The following KNDC1 variants were observed in gnomAD, a reference collection of about 807,000 sequenced individuals.
KNDC1 encodes kinase non-catalytic C-lobe domain containing 1.
In KNDC1, 106 loss-of-function variants were observed where a neutral mutation model predicts 172.8. That is an observed-to-expected ratio of 0.61 (90% CI 0.52 to 0.72). The LOEUF (loss-of-function observed/expected upper bound fraction) is 0.72. KNDC1 is among the 30% of genes least tolerant of loss of function. The pLI is 0.00. For missense variants in KNDC1, 2,325 were observed against 2,394.5 expected (o/e 0.97, Z 0.61); for synonymous variants, 1,083 against 1,062.2 (o/e 1.02, Z -0.38).
chr10:133,183,230 CAG>C, intron 3 of KNDC1, 112 bp from the exon 4 acceptor site: 12 of 1,272,972 alleles, frequency 9.4e-6, no homozygotes, highest in East Asian at 2.6e-5. Context: ...TGCTTCCCCT[CAG>C]GGGAATCTCA....
At chr10:133,211,988 C>T in intron 23 of KNDC1, 130 bp downstream of exon 23, 4 of 833,808 alleles carry the variant, frequency 4.8e-6, no homozygotes, top group Middle Eastern at 2.8e-4. Flanking sequence ...TGTATACATG[C>T]ATACACATAG....
chr10:133,183,600 C>G (rs1485178053), intron 4 of KNDC1, 110 bp downstream of exon 4: 1 of 1,241,110 alleles, frequency 8.1e-7, no homozygotes, highest in African/African-American at 1.5e-5. Context: ...GTTCCGCAAC[C>G]ACAGTCTCAT....
chr10:133,218,993 G>C, intron 27 of KNDC1, 38 bp from the exon 28 acceptor site: 1 of 1,613,724 alleles, frequency 6.2e-7, no homozygotes, highest in Non-Finnish European at 8.5e-7. Context: ...GTGGGTACCC[G>C]CACGGCCGCA....
chr10:133,195,266 C>T (rs1017913758), intron 9 of KNDC1, among the ~76,000 whole-genome samples: 7 of 152,132 alleles, frequency 4.6e-5, no homozygotes, highest in African/African-American at 1.4e-4. Context: ...AGCACGGCAC[C>T]AGTCGGGGGG....
At chr10:133,165,985 A>G (rs1298143050) in intron 1 of KNDC1, among the ~76,000 whole-genome samples, 1 of 152,198 alleles carries the variant, frequency 6.6e-6, no homozygotes, top group Non-Finnish European at 1.5e-5. Flanking sequence ...CCACGAACAG[A>G]CGCAGAGCCA....
intron 5 of KNDC1, among the ~76,000 whole-genome samples, chr10:133,185,089 TG>T (rs1853851097): frequency 6.6e-6 from 1 of 152,282 alleles, no homozygotes; most frequent in Non-Finnish European, 1.5e-5. Context: ...AGTCTCATGG[TG>T]GCCGGCAGGG....
intron 3 of KNDC1, among the ~76,000 whole-genome samples, chr10:133,171,559 A>G (rs1334417280): frequency 2.6e-5 from 4 of 151,928 alleles, no homozygotes; most frequent in Non-Finnish European, 4.4e-5. Flanking sequence ...GGCATGAGCC[A>G]CTGGCCCCGG....
chr10:133,192,069 C>G (rs1320721484), intron 9 of KNDC1, among the ~76,000 whole-genome samples: 1 of 152,244 alleles, frequency 6.6e-6, no homozygotes, highest in Non-Finnish European at 1.5e-5. Context: ...GGTAAAACAG[C>G]TACACTGCCC....
intron 17 of KNDC1, among the ~76,000 whole-genome samples, chr10:133,204,828 C>T (rs1489419906): frequency 1.3e-5 from 2 of 152,090 alleles, no homozygotes; most frequent in African/African-American, 4.8e-5. Flanking sequence ...GCGGTCGCTT[C>T]GGGCCCTGGG....
chr10:133,202,714 A>G (rs546596353), intron 17 of KNDC1: 11 of 455,806 alleles, frequency 2.4e-5, no homozygotes, highest in Middle Eastern at 3.3e-4. Context: ...GACTCAGTCC[A>G]GAACATGACC....
chr10:133,207,228 G>A lies in KNDC1; in HGVS notation c.3671G>A (p.Ser1224Asn), dbSNP rs747242937. Reference sequence around the variant, plus strand: ...GCACCCTGCGACACGCTGGACTTCAGCCCCCTGGACGAGTCCTCCTCGCTC... The same window carrying A: ...GCACCCTGCGACACGCTGGACTTCAACCCCCTGGACGAGTCCTCCTCGCTC... ...AAAPCDTLDFSPLDESSSLIF... is the reference protein window; with the variant it reads ...AAAPCDTLDFNPLDESSSLIF... The change falls in exon 20 of 30, where the codon AGC (serine) becomes AAC (asparagine). Residue 1224 changes from serine (S) to asparagine (N), a missense_variant. By Grantham distance (46) the Ser-to-Asn change is conservative. Transcript: ENST00000304613. 1.2e-6 allele frequency: 2 copies of A among 1,612,688 alleles called. No individual in the cohort carries two copies. Among genetic ancestry groups the A allele is most frequent in the Non-Finnish European group, 1.7e-6 (2 of 1,179,950 alleles).
At chr10:133,187,365 C>T (rs1477722813) in intron 6 of KNDC1, among the ~76,000 whole-genome samples, 1 of 152,254 alleles carries the variant, frequency 6.6e-6, no homozygotes, top group Non-Finnish European at 1.5e-5. Context: ...GGGCCAAGGC[C>T]TGGCCAAGTG....
intron 17 of KNDC1, among the ~76,000 whole-genome samples, chr10:133,202,915 A>T (rs1253692742): frequency 1.3e-5 from 2 of 151,708 alleles, no homozygotes; most frequent in Non-Finnish European, 2.9e-5. Flanking sequence ...GGGAGAGAAA[A>T]GGGCGGCCGG....
chr10:133,186,123 A>C lies in KNDC1; in HGVS notation c.775A>C (p.Thr259Pro). 1 of 1,598,688 alleles carries C rather than the reference A, an allele frequency of 6.3e-7. No homozygotes were observed. The highest frequency in any genetic ancestry group is 8.5e-7 in the Non-Finnish European group (1 of 1,173,476). ...GAGCCGGGGCCCCAGAGCCTCCCCAACCAAGGCTCTGCTGTCCACCCCGGT... is the reference window on the plus strand; with the variant it reads ...GAGCCGGGGCCCCAGAGCCTCCCCACCCAAGGCTCTGCTGTCCACCCCGGT... ...ETSRGPRASP[T>P]KALLSTPVRN... Residue 259 changes from threonine to proline, a missense_variant, in exon 6 of 30, where the codon ACC becomes CCC. Transcript: ENST00000304613.
chr10:133,206,411 C>A (rs1010691568), intron 17 of KNDC1, among the ~76,000 whole-genome samples: 3 of 152,144 alleles, frequency 2.0e-5, no homozygotes, highest in Non-Finnish European at 4.4e-5. Flanking sequence ...GAGCATCCCC[C>A]ACAAGGGCCT....
Position 133,218,939 on chromosome 10 carries a change from G to C in KNDC1, c.4786G>C (p.Val1596Leu), listed in dbSNP as rs1164337367. ...QILSGLEHLA[V>L]RQSPAWRILP... ...CCTGAGCGGGCTGGAGCACCTGGCC[G>C]TGAGGCAGTCCCCTGTGCGTCCCCC... The change falls in exon 27 of 30, where the codon GTG becomes CTG. Residue 1596 changes from valine (V) to leucine (L), a missense_variant. Transcript: ENST00000304613. The C allele has an allele frequency of 6.2e-7, 1 of 1,613,760 alleles. No homozygotes were observed.
At position 133,162,299 on chromosome 10, in the gene KNDC1, G is replaced by GA. The variant is rs1309041158; in HGVS notation, c.102+1730_102+1731insA. On this transcript the variant is annotated intron_variant, in intron 1 of 29. Coordinates refer to ENST00000304613, the MANE Select transcript of KNDC1 (RefSeq NM_152643.8). Reference sequence around the variant, plus strand: ...TTGGAAGGTTCTGAAATCTCCATCGGGGCACCTGACTTGCATGGGAAAACC... The same window carrying GA: ...TTGGAAGGTTCTGAAATCTCCATCGGAGGCACCTGACTTGCATGGGAAAACC... 6.8e-3 allele frequency among the ~76,000 whole-genome samples: 437 copies of GA among 63,890 alleles called. 2 individuals are homozygous for GA. The highest frequency in any genetic ancestry group is 0.022 in the African/African-American group (341 of 15,788). The allele number at this position is 63,890 out of a possible 152,430, so 41.9% of individuals were successfully genotyped here.
chr10:133,213,931 C>T (rs745966072), intron 25 of KNDC1, 41 bp from the exon 26 acceptor site: 2 of 1,612,762 alleles, frequency 1.2e-6, no homozygotes, highest in East Asian at 2.2e-5. Context: ...AGGGCCACTG[C>T]ACAAGTCCTG....
rs1175176729 is a variant in KNDC1, at chr10:133,196,480, A to C, written c.1735-578A>C. Among the ~76,000 whole-genome samples, 3 of 151,700 alleles carry C rather than the reference A, an allele frequency of 2.0e-5. No individual in the cohort carries two copies. The East Asian group carries it at 5.9e-4, about 30-fold the overall frequency. ...CCTGGGGAGGAGCCGTGTCTGGGGG[A>C]GCGGAGACGGCCATGGGGTTGGGGA... is the stretch of plus-strand genomic sequence containing the variant. On this transcript the variant is annotated intron_variant, in intron 10 of 29. Transcript: ENST00000304613.
Sources: gnomAD v4.1 joint callset for allele counts (sites outside exome capture counted in the v4.1 genomes callset) on GRCh38, gnomAD v4.1.1 for gene constraint, MANE v1.5 for transcripts, NCBI Gene and HGNC (gene_info 2026-07-23, HGNC 2026-07-21) for gene names.